The following GABRA3 variants were observed in gnomAD, a reference collection of about 807,000 sequenced individuals.
GABRA3 encodes the protein gamma-aminobutyric acid type A receptor subunit alpha3.
Under a neutral mutation model 30.1 loss-of-function variants are expected in GABRA3, and 10 were observed. That is an observed-to-expected ratio of 0.33 (90% CI 0.20 to 0.56). GABRA3 has a LOEUF of 0.56. GABRA3 is among the 20% of genes least tolerant of loss of function. The pLI is 0.89. For missense variants in GABRA3, 233 were observed against 392.0 expected, an observed-to-expected ratio of 0.59 and a Z score of 3.42; for synonymous variants, 151 against 146.8, an observed-to-expected ratio of 1.03 and a Z score of -0.21.
At chrX:152,368,284 C>G (rs932056554) in intron 1 of GABRA3, among the ~76,000 whole-genome samples, 6 of 111,518 alleles carry the variant, frequency 5.4e-5, no homozygotes, top group African/African-American at 2.0e-4. Context: ...CAACATCTAC[C>G]CACCCCAGAC....
chrX:152,182,633 C>CTATATATACATATATAGTG (rs1569348470), intron 9 of GABRA3, among the ~76,000 whole-genome samples: 4 of 3,330 alleles, frequency 1.2e-3, no homozygotes, highest in Non-Finnish European at 2.5e-3. Context: ...TATATATACA[C>CTATATATACATATATAGTG]TATATATACA....
At chrX:152,298,911 G>A (rs895087319) in intron 3 of GABRA3, among the ~76,000 whole-genome samples, 3 of 111,409 alleles carry the variant, frequency 2.7e-5, no homozygotes, top group South Asian at 3.8e-4. Context: ...TTTAATGATC[G>A]CCATTCTAAC....
intron 3 of GABRA3, among the ~76,000 whole-genome samples, chrX:152,290,045 G>A (rs905987348): frequency 3.6e-5 from 4 of 111,867 alleles, no homozygotes; most frequent in African/African-American, 1.3e-4. Context: ...TAATGGGATC[G>A]CTAGGTCAAA....
rs1037632569 is a variant in GABRA3 at position 152,166,814 on chromosome X, A to C, written c.*1414T>G. Reference sequence around the variant, plus strand: ...GCCCGCTGAGATTGTGCTGATTCTGAGGTCACGGTGGACCTGGCTTCTCAG... The same window carrying C: ...GCCCGCTGAGATTGTGCTGATTCTGCGGTCACGGTGGACCTGGCTTCTCAG... On this transcript the variant is annotated 3_prime_UTR_variant, in exon 10 of 10. Coordinates refer to ENST00000370314, the MANE Select transcript of GABRA3 (RefSeq NM_000808.4). The C allele has an allele frequency of 1.8e-5, 2 of 111,026 alleles. No individual in the cohort carries two copies. Among genetic ancestry groups the C allele is most frequent in the Admixed American group, 1.9e-4 (2 of 10,411 alleles). The allele number at this position is 111,026 out of a possible 1,213,427, so 9.1% of individuals were successfully genotyped here.
chrX:152,259,699 A>C (rs183118572), intron 4 of GABRA3, among the ~76,000 whole-genome samples: 1 of 110,864 alleles, frequency 9.0e-6, no homozygotes, highest in East Asian at 2.9e-4. Flanking sequence ...CCTGCTAACT[A>C]AAGTGCCCTT....
At chrX:152,220,639 C>G (rs1352895133) in intron 6 of GABRA3, among the ~76,000 whole-genome samples, 1 of 111,859 alleles carries the variant, frequency 8.9e-6, no homozygotes, top group Non-Finnish European at 1.9e-5. Context: ...AACAATTTTC[C>G]AAAACCTTGG....
intron 4 of GABRA3, among the ~76,000 whole-genome samples, chrX:152,270,318 C>G (rs1210442068): frequency 2.7e-5 from 3 of 111,504 alleles, no homozygotes; most frequent in Non-Finnish European, 3.8e-5. Flanking sequence ...GTTTGCTTCC[C>G]CATCTGCCAT....
At chrX:152,211,498 G>A (rs1937628432) in intron 6 of GABRA3, among the ~76,000 whole-genome samples, 1 of 111,544 alleles carries the variant, frequency 9.0e-6, no homozygotes, top group Non-Finnish European at 1.9e-5. Flanking sequence ...AAGATAGAGG[G>A]CAAAGCAGGA....
intron 1 of GABRA3, among the ~76,000 whole-genome samples, chrX:152,368,940 T>C (rs771757093): frequency 7.2e-5 from 8 of 111,060 alleles, no homozygotes; most frequent in South Asian, 7.5e-4. Context: ...CTCCTGACCT[T>C]GTGATCCGCC....
chrX:152,429,359 G>GCCC (rs1218176273), intron 1 of GABRA3, among the ~76,000 whole-genome samples: 1 of 103,207 alleles, frequency 9.7e-6, no homozygotes, highest in Non-Finnish European at 2.0e-5. Flanking sequence ...CACTTCAGCC[G>GCCC]CCCTTCTGCA....
intron 1 of GABRA3, among the ~76,000 whole-genome samples, chrX:152,366,084 A>T (rs1928651427): frequency 9.0e-6 from 1 of 111,658 alleles, no homozygotes; most frequent in Admixed American, 9.6e-5. Context: ...GGTTCAGAAA[A>T]CCATAGTATA....
At chrX:152,364,398 T>A (rs200403161) in intron 2 of GABRA3, 33 bp downstream of exon 2, 54 of 1,180,396 alleles carry the variant, frequency 4.6e-5, no homozygotes, top group Non-Finnish European at 5.8e-5. Context: ...TTTATCACAG[T>A]CTTCTTTCAT....
chrX:152,227,465 T>TTA (rs1937983823), intron 5 of GABRA3, among the ~76,000 whole-genome samples: 18 of 106,225 alleles, frequency 1.7e-4, no homozygotes, highest in African/African-American at 5.2e-4. Context: ...CACACGAGCA[T>TTA]GGCACATGTA....
intron 3 of GABRA3, among the ~76,000 whole-genome samples, chrX:152,322,457 T>C: frequency 8.9e-6 from 1 of 111,957 alleles, no homozygotes; most frequent in Middle Eastern, 4.7e-3. Flanking sequence ...TGCCACTGAA[T>C]TGTTCCCGTA....
Position 152,168,545 on chromosome X carries a change from G to T in GABRA3, c.1162C>A (p.Pro388Thr), listed in dbSNP as rs745700349. Reference sequence around the variant, plus strand: ...AAGGTAGTGCTGGTTTTCTTTGCTGGGGCTGCTGGTGTTTTCTTCTAGAGG... The same window carrying T: ...AAGGTAGTGCTGGTTTTCTTTGCTGTGGCTGCTGGTGTTTTCTTCTAGAGG... ...LEMKKKTPAA[P>T]AKKTSTTFNI... The change falls in exon 10 of 10, where the codon CCA (proline) becomes ACA (threonine). Residue 388 changes from proline to threonine, a missense_variant. Physicochemically the swap from Pro to Thr is conservative, Grantham distance 38. Transcript: ENST00000370314. The T allele has an allele frequency of 6.6e-6, 8 of 1,205,540 alleles. No homozygotes were observed. Among genetic ancestry groups the T allele is most frequent in the Non-Finnish European group, 7.8e-6 (7 of 891,735 alleles).
intron 3 of GABRA3, among the ~76,000 whole-genome samples, chrX:152,293,648 GT>G (rs1376024420): frequency 8.9e-6 from 1 of 111,849 alleles, no homozygotes; most frequent in Non-Finnish European, 1.9e-5. Context: ...AATAGTTTGT[GT>G]GAATTTGATC....
intron 3 of GABRA3, among the ~76,000 whole-genome samples, chrX:152,287,697 C>T (rs967001892): frequency 9.0e-6 from 1 of 111,094 alleles, no homozygotes; most frequent in Non-Finnish European, 1.9e-5. Flanking sequence ...TGATGGCAAT[C>T]CCAACTCTAA....
At chrX:152,400,083 G>A (rs191027603) in intron 1 of GABRA3, among the ~76,000 whole-genome samples, 220 of 111,683 alleles carry the variant, frequency 2.0e-3, no homozygotes, top group African/African-American at 6.7e-3. Context: ...TGAGCAAAGA[G>A]GATACACACA....
chrX:152,178,797 T>C (rs936569120), intron 9 of GABRA3, among the ~76,000 whole-genome samples: 2 of 111,528 alleles, frequency 1.8e-5, no homozygotes, highest in Non-Finnish European at 3.8e-5. Context: ...CTTACCCCAA[T>C]GCACCCAAAC....
Sources: gnomAD v4.1 joint callset for allele counts (sites outside exome capture counted in the v4.1 genomes callset) on GRCh38, gnomAD v4.1.1 for gene constraint, MANE v1.5 for transcripts, NCBI Gene and HGNC (gene_info 2026-07-23, HGNC 2026-07-21) for gene names.